The following SLC2A10 variants were observed in gnomAD, a reference collection of about 807,000 sequenced individuals.
SLC2A10 encodes the protein solute carrier family 2, facilitated glucose transporter member 10.
In SLC2A10, 25 loss-of-function variants were observed where a neutral mutation model predicts 32.1. The ratio of observed to expected loss-of-function variants is 0.78; its 90% CI spans 0.57 to 1.09. The LOEUF (loss-of-function observed/expected upper bound fraction) is 1.09. SLC2A10 is among the 50% of genes least tolerant of loss of function. The probability of loss-of-function intolerance (pLI) is 0.00; values close to 1 mark genes in which losing one functional copy is unlikely to be tolerated. For missense variants in SLC2A10, 673 were observed against 686.5 expected, an observed-to-expected ratio of 0.98 and a Z score of 0.22; for synonymous variants, 332 against 309.6, an observed-to-expected ratio of 1.07 and a Z score of -0.76.
At chr20:46,729,787 C>T (rs903870930) in intron 4 of SLC2A10, among the ~76,000 whole-genome samples, 7 of 151,826 alleles carry the variant, frequency 4.6e-5, no homozygotes, top group Non-Finnish European at 7.4e-5. Flanking sequence ...GGACTACAGG[C>T]GCCCGCCACC....
intron 1 of SLC2A10, 76 bp downstream of exon 1, chr20:46,709,816 T>C (rs1978802019): frequency 3.3e-6 from 5 of 1,513,870 alleles, no homozygotes; most frequent in East Asian, 5.0e-5. Flanking sequence ...CACGCTCCCC[T>C]AAGAGTGCGC....
chr20:46,729,623 GAGTTTTTTTTTTTTTTT>G, intron 4 of SLC2A10, 135 bp downstream of exon 4: 6 of 436,098 alleles, frequency 1.4e-5, no homozygotes, highest in East Asian at 4.6e-5. Flanking sequence ...TGGGCACTAT[GAGTTTTTTTTTTTTTTT>G]TTTTTTTTTT....
intron 3 of SLC2A10, among the ~76,000 whole-genome samples, chr20:46,727,591 C>T (rs6094439): frequency 0.021 from 3,261 of 152,226 alleles, 100 homozygotes; most frequent in African/African-American, 0.065. Flanking sequence ...GCTGGGATTA[C>T]GGGCATGAGC....
intron 1 of SLC2A10, among the ~76,000 whole-genome samples, chr20:46,716,781 G>C (rs577198529): frequency 1.3e-5 from 2 of 152,246 alleles, no homozygotes; most frequent in Non-Finnish European, 2.9e-5. Context: ...TCAGCATTTT[G>C]GGAGACTGAG....
In SLC2A10 at chr20:46,726,242, T is replaced by A. The variant is rs764278693; in HGVS notation, c.1206T>A (p.Ala402=). 3.7e-6 allele frequency: 6 copies of A among 1,613,774 alleles called. No individual in the cohort carries two copies. Among genetic ancestry groups the A allele is most frequent in the South Asian group, 1.1e-5 (1 of 91,088 alleles). The change falls in exon 2 of 5, where the codon GCT becomes GCA. Residue 402 remains alanine, a synonymous_variant. Transcript: ENST00000359271. ...SSALPGPPLP[A]RGHALLRWTA... is the part of the protein sequence containing the mutation. ...CCCTCCCTGGGCCCCCTCTGCCCGC[T>A]CGGGGGCATGCACTGCTGCGCTGGA...
chr20:46,718,045 G>C (rs1429174963), intron 1 of SLC2A10, among the ~76,000 whole-genome samples: 1 of 151,938 alleles, frequency 6.6e-6, no homozygotes, highest in African/African-American at 2.4e-5. Flanking sequence ...AATGTAGTGA[G>C]ACCCCACCTC....
rs767229475 is a variant in SLC2A10 at position 46,725,789 on chromosome 20, G to A, written c.753G>A (p.Leu251=). 5 of 1,614,238 alleles carry A rather than the reference G, an allele frequency of 3.1e-6. No homozygotes were observed. In the South Asian group the frequency reaches 5.5e-5, roughly 18 times the overall value. ...FQQLTGQPNV[L]CYASTIFSSV... ...AACTAACAGGGCAGCCCAACGTGCT[G>A]TGCTATGCCTCCACCATCTTCAGCT... Residue 251 remains leucine (L), a synonymous_variant, in exon 2 of 5, where the codon CTG becomes CTA. Coordinates refer to ENST00000359271, the MANE Select transcript of SLC2A10 (RefSeq NM_030777.4).
intron 3 of SLC2A10, among the ~76,000 whole-genome samples, chr20:46,728,604 GTTTTTTTTTTTTT>G (rs778644499): frequency 2.0e-5 from 2 of 101,352 alleles, no homozygotes; most frequent in Non-Finnish European, 3.9e-5. Context: ...TTCTGGGTGT[GTTTTTTTTTTTTT>G]TTTTTTTTTT....
intron 4 of SLC2A10, among the ~76,000 whole-genome samples, chr20:46,733,414 C>A (rs1171644149): frequency 6.6e-6 from 1 of 152,192 alleles, no homozygotes; most frequent in Non-Finnish European, 1.5e-5. Flanking sequence ...TCAGGCCCCA[C>A]CTCCAACACG....
chr20:46,709,758 G>GTA lies in SLC2A10; in HGVS notation c.4+18_4+19insTA, dbSNP rs1978797131. ...CGCCATGGGTAAGTCCCGATCGGGC[G>GTA]CTGCCTGCTGGAAGCCCGACCCCTT... On this transcript the variant is annotated intron_variant, in intron 1 of 4. Transcript: ENST00000359271. 1.3e-6 allele frequency: 2 copies of GTA among 1,547,292 alleles called. No homozygotes were observed. Among genetic ancestry groups the GTA allele is most frequent in the South Asian group, 2.4e-5 (2 of 83,832 alleles).
At chr20:46,729,634 T>G (rs6012023) in intron 4 of SLC2A10, 146 bp downstream of exon 4, 316 of 226,128 alleles carry the variant, frequency 1.4e-3, no homozygotes, top group African/African-American at 7.0e-3. Context: ...AGTTTTTTTT[T>G]TTTTTTTTTT....
chr20:46,715,255 TTTCTA>T (rs1979167449), intron 1 of SLC2A10, among the ~76,000 whole-genome samples: 1 of 152,142 alleles, frequency 6.6e-6, no homozygotes, highest in African/African-American at 2.4e-5. Flanking sequence ...TGTTTGTTTG[TTTCTA>T]TTGTCCATTG....
chr20:46,721,426 C>A lies in SLC2A10; in HGVS notation c.5-3615C>A, dbSNP rs1340052062. Among the ~76,000 whole-genome samples the A allele has an allele frequency of 3.3e-5, 5 of 150,548 alleles. No homozygotes were observed. In the East Asian group the frequency reaches 7.7e-4, roughly 23 times the overall value. Reference sequence around the variant, plus strand: ...AAAATGACTTGGGGGCCCTACAAATCCCTCAATTAGCAAAAAAAAAAAAAA... The same window carrying A: ...AAAATGACTTGGGGGCCCTACAAATACCTCAATTAGCAAAAAAAAAAAAAA... On this transcript the variant is annotated intron_variant, in intron 1 of 4. Coordinates refer to ENST00000359271, the MANE Select transcript of SLC2A10 (RefSeq NM_030777.4).
At position 46,726,193 on chromosome 20, in the gene SLC2A10, C is replaced by T. The variant is rs1248624173; in HGVS notation, c.1157C>T (p.Pro386Leu). 1 of 1,614,114 alleles carries T rather than the reference C, an allele frequency of 6.2e-7. No homozygotes were observed. The highest frequency in any genetic ancestry group is 8.5e-7 in the Non-Finnish European group (1 of 1,180,056). ...PHPRSGDPSA[P>L]PRLALSSALP... ...CCCAGATCTGGAGACCCCTCAGCCC[C>T]TCCTCGGCTGGCCCTGAGCTCTGCC... The change falls in exon 2 of 5, where the codon CCT becomes CTT. Residue 386 changes from proline (P) to leucine (L), a missense_variant. Coordinates refer to ENST00000359271, the MANE Select transcript of SLC2A10 (RefSeq NM_030777.4).
In SLC2A10 at chr20:46,729,475, T is replaced by C. The variant is rs771043733; in HGVS notation, c.1534T>C (p.Phe512Leu). The change falls in exon 4 of 5, where the codon TTC (phenylalanine) becomes CTC (leucine). Residue 512 changes from phenylalanine to leucine, a missense_variant. Physicochemically the swap from Phe to Leu is conservative, Grantham distance 22 (BLOSUM62 0). Coordinates refer to ENST00000359271, the MANE Select transcript of SLC2A10 (RefSeq NM_030777.4). The part of the protein sequence containing the change: ...GQSLAEIDQQ[F>L]QKRRFTLSFG... Reference sequence around the variant, plus strand: ...GTCGTTGGCAGAGATAGACCAGCAGTTCCAGAAGAGACGGTAGGAAGCTGA... The same window carrying C: ...GTCGTTGGCAGAGATAGACCAGCAGCTCCAGAAGAGACGGTAGGAAGCTGA... 3 of 1,614,030 alleles carry C rather than the reference T, an allele frequency of 1.9e-6. No homozygotes were observed. The highest frequency in any genetic ancestry group is 1.1e-5 in the South Asian group (1 of 91,080).
At chr20:46,726,374 G>A (rs760645379) in intron 2 of SLC2A10, 50 bp downstream of exon 2, 2 of 1,590,648 alleles carry the variant, frequency 1.3e-6, no homozygotes, top group African/African-American at 1.3e-5. Flanking sequence ...ACCCCTCCTA[G>A]GGGGAAGTTT....
chr20:46,711,434 C>T (rs1020254454), intron 1 of SLC2A10, among the ~76,000 whole-genome samples: 17 of 152,080 alleles, frequency 1.1e-4, no homozygotes, highest in South Asian at 4.2e-4. Context: ...TGACCAGTTC[C>T]GGCTCTGACA....
Position 46,733,838 on chromosome 20 carries a change from A to G in SLC2A10, c.*4A>G. On this transcript the variant is annotated 3_prime_UTR_variant, in exon 5 of 5. Transcript: ENST00000359271. ...CGAGATCTCTGCGGCCTCCTGAGGAATCCGTCTGCCTGGAAATTCTGGAAC... is the reference window on the plus strand; with the variant it reads ...CGAGATCTCTGCGGCCTCCTGAGGAGTCCGTCTGCCTGGAAATTCTGGAAC... 6.2e-7 allele frequency: 1 copy of G among 1,614,002 alleles called. No homozygotes were observed. The highest frequency in any genetic ancestry group is 8.5e-7 in the Non-Finnish European group (1 of 1,179,886).
intron 1 of SLC2A10, among the ~76,000 whole-genome samples, chr20:46,718,860 C>T (rs1215304659): frequency 6.6e-6 from 1 of 152,134 alleles, no homozygotes; most frequent in African/African-American, 2.4e-5. Flanking sequence ...ACTGCAGCCT[C>T]GACCTCCTGG....
Sources: allele counts gnomAD v4.1 joint callset (sites outside exome capture counted in the v4.1 genomes callset), GRCh38; gene constraint gnomAD v4.1.1; transcripts MANE v1.5; gene names NCBI Gene and HGNC (gene_info 2026-07-23, HGNC 2026-07-21).